The following TAS2R1 variants were observed in gnomAD, a reference collection of about 807,000 sequenced individuals.
The protein encoded by TAS2R1 is taste 2 receptor member 1.
For missense variants in TAS2R1, 370 were observed against 353.4 expected, an observed-to-expected ratio of 1.05 and a Z score of -0.38; for synonymous variants, 141 against 134.2, an observed-to-expected ratio of 1.05 and a Z score of -0.35.
At chr5:9,857,488 G>A in the TAS2R1 span, among the ~76,000 whole-genome samples, 17 of 152,244 alleles carry the variant, frequency 1.1e-4, no homozygotes, top group Non-Finnish European at 1.6e-4. Flanking sequence ...ATACCAAGGC[G>A]ATGGGTTGAT....
chr5:9,894,821 T>C, the TAS2R1 span, among the ~76,000 whole-genome samples: 20 of 152,344 alleles, frequency 1.3e-4, no homozygotes, highest in East Asian at 3.3e-3. Flanking sequence ...CTTTGTGTGG[T>C]TCAGTTGGTA....
the TAS2R1 span, among the ~76,000 whole-genome samples, chr5:9,739,599 G>T: frequency 2.6e-5 from 4 of 152,162 alleles, no homozygotes; most frequent in Non-Finnish European, 5.9e-5. Flanking sequence ...TGCTTAATCC[G>T]TAAGAGGCAG....
intron 1 of TAS2R1, among the ~76,000 whole-genome samples, chr5:9,700,564 G>A (rs907912803): frequency 6.6e-5 from 10 of 152,118 alleles, no homozygotes; most frequent in African/African-American, 2.2e-4. Flanking sequence ...AATCTATATC[G>A]CATGATCACT....
chr5:9,771,795 T>C, the TAS2R1 span, among the ~76,000 whole-genome samples: 4 of 152,098 alleles, frequency 2.6e-5, no homozygotes, highest in African/African-American at 7.2e-5. Context: ...CTTATTGGCA[T>C]ATAGTTGCTC....
chr5:9,815,431 T>C, the TAS2R1 span, among the ~76,000 whole-genome samples: 167 of 152,284 alleles, frequency 1.1e-3, 3 homozygotes, highest in East Asian at 0.028. Context: ...AAGCAGATGA[T>C]AGATGATAGA....
the TAS2R1 span, among the ~76,000 whole-genome samples, chr5:9,730,563 G>T: frequency 1.3e-5 from 2 of 152,200 alleles, no homozygotes; most frequent in Non-Finnish European, 2.9e-5. Context: ...GGCACAGGGA[G>T]GCTGCTCAGC....
the TAS2R1 span, among the ~76,000 whole-genome samples, chr5:9,884,486 A>C: frequency 6.6e-6 from 1 of 151,702 alleles, no homozygotes; most frequent in Non-Finnish European, 1.5e-5. Flanking sequence ...AAAAAAAAAA[A>C]AAAAAAAAGT....
the TAS2R1 span, among the ~76,000 whole-genome samples, chr5:9,783,238 T>C: frequency 2.5e-4 from 38 of 152,306 alleles, no homozygotes; most frequent in African/African-American, 8.7e-4. Context: ...TATACTTAAA[T>C]CATCTCACTC....
chr5:9,674,931 T>C (rs889578647), intron 1 of TAS2R1, among the ~76,000 whole-genome samples: 1 of 152,004 alleles, frequency 6.6e-6, no homozygotes, highest in Non-Finnish European at 1.5e-5. Flanking sequence ...GCTGACATTC[T>C]TGTGTATGTA....
chr5:9,652,451 C>T (rs781398052), intron 2 of TAS2R1, among the ~76,000 whole-genome samples: 5 of 152,260 alleles, frequency 3.3e-5, no homozygotes, highest in Non-Finnish European at 5.9e-5. Flanking sequence ...CAGTTACTAT[C>T]GTCATCCTCT....
the TAS2R1 span, among the ~76,000 whole-genome samples, chr5:9,742,488 A>C: frequency 6.6e-6 from 1 of 152,216 alleles, no homozygotes; most frequent in Admixed American, 6.5e-5. Context: ...ATGGAAACAG[A>C]AGAAACACCA....
At chr5:9,677,318 C>T (rs1277082669) in intron 1 of TAS2R1, among the ~76,000 whole-genome samples, 1 of 152,010 alleles carries the variant, frequency 6.6e-6, no homozygotes, top group African/African-American at 2.4e-5. Context: ...TGGCTTAATA[C>T]CTGGGTGATG....
the TAS2R1 span, among the ~76,000 whole-genome samples, chr5:9,726,782 G>A: frequency 2.0e-5 from 3 of 152,314 alleles, no homozygotes; most frequent in East Asian, 5.8e-4. Flanking sequence ...ATGGCTTATG[G>A]ATTTCCCAAA....
intron 1 of TAS2R1, among the ~76,000 whole-genome samples, chr5:9,688,635 C>T (rs992958437): frequency 6.6e-5 from 10 of 152,108 alleles, no homozygotes; most frequent in Non-Finnish European, 1.3e-4. Flanking sequence ...TCCTATCTCC[C>T]GTGGCCTCCA....
At chr5:9,782,673 C>T in the TAS2R1 span, among the ~76,000 whole-genome samples, 1 of 152,194 alleles carries the variant, frequency 6.6e-6, no homozygotes, top group East Asian at 1.9e-4. Context: ...AACTAAGAGT[C>T]GTGCATGCAA....
intron 2 of TAS2R1, among the ~76,000 whole-genome samples, chr5:9,636,307 A>T (rs1294401279): frequency 6.6e-6 from 1 of 152,082 alleles, no homozygotes; most frequent in East Asian, 1.9e-4. Context: ...AGTGTACTTG[A>T]TATAATTTTG....
At chr5:9,898,551 C>T in the TAS2R1 span, among the ~76,000 whole-genome samples, 1 of 152,206 alleles carries the variant, frequency 6.6e-6, no homozygotes. Context: ...AAGCAGGTTA[C>T]AGACAGAATT....
At chr5:9,873,185 C>T in the TAS2R1 span, among the ~76,000 whole-genome samples, 2 of 152,092 alleles carry the variant, frequency 1.3e-5, no homozygotes, top group Non-Finnish European at 2.9e-5. Context: ...GACCCAGGCC[C>T]CCACGCTGCA....
the TAS2R1 span, among the ~76,000 whole-genome samples, chr5:9,819,110 T>C: frequency 6.6e-6 from 1 of 152,186 alleles, no homozygotes; most frequent in Admixed American, 6.5e-5. Flanking sequence ...CAGTTACTGC[T>C]TTAGGTAGAT....
Sources: gnomAD v4.1 joint callset for allele counts (sites outside exome capture counted in the v4.1 genomes callset) on GRCh38, gnomAD v4.1.1 for gene constraint, MANE v1.5 for transcripts, NCBI Gene and HGNC (gene_info 2026-07-23, HGNC 2026-07-21) for gene names.